The following DET1 variants were observed in gnomAD, a reference collection of about 807,000 sequenced individuals.
The protein encoded by DET1 is DET1 partner of COP1 E3 ubiquitin ligase.
In DET1, 22 loss-of-function variants were observed where a neutral mutation model predicts 43.7. That is an observed-to-expected ratio of 0.50 (90% CI 0.36 to 0.72). DET1 has a LOEUF of 0.72. Ranked by LOEUF, DET1 falls within the 30% of genes least tolerant of loss-of-function variation. DET1 has a pLI of 0.00. For synonymous variants in DET1, 315 were observed against 266.2 expected, an observed-to-expected ratio of 1.18 and a Z score of -1.79; for missense variants, 713 against 713.3, an observed-to-expected ratio of 1.00 and a Z score of 0.00.
downstream of DET1, among the ~76,000 whole-genome samples, chr15:88,509,382 T>C (rs1332616481): frequency 6.6e-6 from 1 of 152,158 alleles, no homozygotes; most frequent in Non-Finnish European, 1.5e-5. Context: ...AGTTGGAAAG[T>C]AAACAAATAA....
rs562294177 is a variant in DET1 at position 88,533,134 on chromosome 15, A to G, written c.-10-1419T>C. The stretch of plus-strand genomic sequence containing the variant: ...AATTTTAAAATGGTCAAAGTACTGG[A>G]ACAGACATTTCTCCTATACAAATGG... On this transcript the variant is annotated intron_variant, in intron 1 of 4. Coordinates refer to ENST00000268148, the MANE Select transcript of DET1 (RefSeq NM_001144074.3). Among the ~76,000 whole-genome samples the G allele has an allele frequency of 1.9e-4, 29 of 152,346 alleles. No individual in the cohort carries two copies. In the South Asian group the frequency reaches 5.8e-3, roughly 30 times the overall value.
At position 88,512,597 on chromosome 15, in the gene DET1, A is replaced by T. The variant is rs924023643; in HGVS notation, c.*354T>A. Reference sequence around the variant, plus strand: ...GTAAACAAGATTTAACTGCTTTCAGATGCAAACCATAATGCCGAAGAAGTG... The same window carrying T: ...GTAAACAAGATTTAACTGCTTTCAGTTGCAAACCATAATGCCGAAGAAGTG... On this transcript the variant is annotated 3_prime_UTR_variant, in exon 5 of 5. Transcript: ENST00000268148. 1.9e-6 allele frequency: 2 copies of T among 1,025,984 alleles called. No homozygotes were observed. The highest frequency in any genetic ancestry group is 3.4e-5 in the African/African-American group (2 of 58,828). 63.6% of individuals were successfully genotyped at this position (1,025,984 alleles called of 1,614,324 possible).
At chr15:88,536,987 C>G (rs1189426615) in intron 1 of DET1, among the ~76,000 whole-genome samples, 1 of 152,010 alleles carries the variant, frequency 6.6e-6, no homozygotes, top group Non-Finnish European at 1.5e-5. Flanking sequence ...AACGTACACA[C>G]AATGAGGTAT....
At chr15:88,514,739 C>T (rs756666988) in intron 4 of DET1, among the ~76,000 whole-genome samples, 1 of 152,132 alleles carries the variant, frequency 6.6e-6, no homozygotes, top group Non-Finnish European at 1.5e-5. Flanking sequence ...TTGACAAAGA[C>T]TAGACTGGAT....
intron 1 of DET1, among the ~76,000 whole-genome samples, chr15:88,541,938 G>A (rs914869761): frequency 6.6e-6 from 1 of 152,192 alleles, no homozygotes; most frequent in Non-Finnish European, 1.5e-5. Context: ...CGCGCTGGGA[G>A]GAAGCAGCCC....
intron 4 of DET1, among the ~76,000 whole-genome samples, chr15:88,515,871 G>T (rs1199888675): frequency 6.6e-6 from 1 of 151,952 alleles, no homozygotes; most frequent in Non-Finnish European, 1.5e-5. Context: ...AGTGGGTGAT[G>T]GGTACATGAA....
At position 88,527,914 on chromosome 15, in the gene DET1, C is replaced by CAAG. The variant is rs1242213332; in HGVS notation, c.1084-129_1084-128insCTT. The stretch of plus-strand genomic sequence containing the variant: ...CCAAAAACAACAACAACAACAACAA[C>CAAG]AACAACAAGCAAACACCTCGGCTTT... On this transcript the variant is annotated intron_variant, in intron 2 of 4. Transcript: ENST00000268148. 3.8e-4 allele frequency: 225 copies of CAAG among 595,222 alleles called. No homozygotes were observed. In the Middle Eastern group the frequency reaches 4.4e-3, roughly 12 times the overall value. The allele number at this position is 595,222 out of a possible 1,614,324, so 36.9% of individuals were successfully genotyped here. A position where few individuals can be genotyped will look rare whatever the true frequency, so the allele number is the denominator to read the frequency against.
At chr15:88,532,500 A>T (rs1220013130) in intron 1 of DET1, among the ~76,000 whole-genome samples, 2 of 152,258 alleles carry the variant, frequency 1.3e-5, no homozygotes, top group Non-Finnish European at 2.9e-5. Context: ...CTCCAAATAC[A>T]CAAAATAATT....
In DET1 at chr15:88,516,179, C is replaced by T. The variant is rs1367033633; in HGVS notation, c.1463+603G>A. 6.6e-5 allele frequency among the ~76,000 whole-genome samples: 10 copies of T among 152,146 alleles called. No individual in the cohort carries two copies. The highest frequency in any genetic ancestry group is 1.3e-4 in the Non-Finnish European group (9 of 68,018). On this transcript the variant is annotated intron_variant, in intron 4 of 4. Coordinates refer to ENST00000268148, the MANE Select transcript of DET1 (RefSeq NM_001144074.3). The surrounding 1 kb of genome is among the most constrained non-coding windows in gnomAD (Gnocchi z 4.4). ...ATAACTCCACTAGTGACAATAATTC[C>T]AGCTCCTCCCCCTAATATTATTACA...
rs202162726 is a variant in DET1 at position 88,530,686 on chromosome 15, G to A, written c.1020C>T (p.Asn340=). 2.7e-5 allele frequency: 43 copies of A among 1,613,870 alleles called. No homozygotes were observed. The highest frequency in any genetic ancestry group is 3.4e-5 in the Non-Finnish European group (40 of 1,179,892). The change falls in exon 2 of 5, where the codon AAC becomes AAT. Residue 340 remains asparagine (N), a synonymous_variant. Coordinates refer to ENST00000268148, the MANE Select transcript of DET1 (RefSeq NM_001144074.3). ...CACTAGTGTACTTGATAAACAGGTG[G>A]TTTTCATCCAGAAGCTGCATTTTCC... ...RMWKMQLLDE[N]HLFIKYTSED...
chr15:88,543,262 C>T (rs1278932499), intron 1 of DET1, among the ~76,000 whole-genome samples: 1 of 152,150 alleles, frequency 6.6e-6, no homozygotes, highest in Non-Finnish European at 1.5e-5. Flanking sequence ...CTCTGGATGG[C>T]CAAGTAGCAG....
At chr15:88,524,987 A>G (rs1292116644) in intron 3 of DET1, among the ~76,000 whole-genome samples, 1 of 152,246 alleles carries the variant, frequency 6.6e-6, no homozygotes, top group Non-Finnish European at 1.5e-5. Flanking sequence ...TATATACATT[A>G]TATTTTCAAT....
At position 88,531,830 on chromosome 15, in the gene DET1, G is replaced by T; in HGVS notation, c.-10-115C>A. The T allele has an allele frequency of 9.9e-7, 1 of 1,009,270 alleles. No individual in the cohort carries two copies. The highest frequency in any genetic ancestry group is 1.4e-6 in the Non-Finnish European group (1 of 711,196). 62.5% of individuals were successfully genotyped at this position (1,009,270 alleles called of 1,614,324 possible). A position where few individuals can be genotyped will look rare whatever the true frequency, so the allele number is the denominator to read the frequency against. On this transcript the variant is annotated intron_variant, in intron 1 of 4. Transcript: ENST00000268148. This position sits in a 1 kb window ranked among gnomAD's most constrained non-coding sequence, Gnocchi z 6.2. ...ATATCCTGAACCTAGGAGCTCCCAAGATGACAGTGACTGGCATTACTACTT... is the reference window on the plus strand; with the variant it reads ...ATATCCTGAACCTAGGAGCTCCCAATATGACAGTGACTGGCATTACTACTT...
chr15:88,507,491 A>C (rs924473795), downstream of DET1, among the ~76,000 whole-genome samples: 10 of 152,138 alleles, frequency 6.6e-5, no homozygotes, highest in Non-Finnish European at 2.9e-5. Context: ...CATCTCCCAC[A>C]CATCCGACTT....
chr15:88,510,855 G>A (rs1264386284), downstream of DET1, among the ~76,000 whole-genome samples: 2 of 147,118 alleles, frequency 1.4e-5, no homozygotes, highest in African/African-American at 5.0e-5. Flanking sequence ...ACTCACTCAA[G>A]CCCCACCTCC....
At chr15:88,525,591 C>A (rs927898670) in intron 3 of DET1, among the ~76,000 whole-genome samples, 2 of 152,188 alleles carry the variant, frequency 1.3e-5, no homozygotes, top group Non-Finnish European at 2.9e-5. Flanking sequence ...CAGACAAAAT[C>A]CCTGCCCTCA....
chr15:88,536,120 G>A (rs1432844024), intron 1 of DET1, among the ~76,000 whole-genome samples: 1 of 152,194 alleles, frequency 6.6e-6, no homozygotes, highest in Non-Finnish European at 1.5e-5. Context: ...AGAAACCATG[G>A]AAGTTAGAAA....
At chr15:88,520,090 T>C (rs1173121963) in intron 3 of DET1, among the ~76,000 whole-genome samples, 1 of 152,206 alleles carries the variant, frequency 6.6e-6, no homozygotes, top group East Asian at 1.9e-4. Context: ...GCCAGTGCAC[T>C]AGCACCCAAC....
downstream of DET1, among the ~76,000 whole-genome samples, chr15:88,511,854 G>A (rs1194020170): frequency 1.3e-5 from 2 of 152,192 alleles, no homozygotes; most frequent in African/African-American, 4.8e-5. Flanking sequence ...GAAATACAGG[G>A]TCCAGCTGTT....
Sources: gnomAD v4.1 joint callset for allele counts (sites outside exome capture counted in the v4.1 genomes callset) on GRCh38, gnomAD v4.1.1 for gene constraint, Gnocchi (gnomAD v3.1) non-coding constraint, MANE v1.5 for transcripts, NCBI Gene and HGNC (gene_info 2026-07-23, HGNC 2026-07-21) for gene names.